NPAS2: variants seen among roughly 807,000 people sequenced by gnomAD.
The protein encoded by NPAS2 is neuronal PAS domain protein 2, also known as neuronal PAS domain-containing protein 2.
NPAS2 carries 23 observed loss-of-function variants against 107.5 expected under a neutral mutation model. The ratio of observed to expected loss-of-function variants is 0.21; its 90% CI spans 0.15 to 0.30. The LOEUF is 0.30. Among genes scored for constraint, NPAS2 ranks in the 10% least tolerant of loss-of-function variants. The pLI, the probability that NPAS2 is intolerant of heterozygous loss-of-function variation, is 1.00. For synonymous variants in NPAS2, 403 were observed against 417.5 expected, an observed-to-expected ratio of 0.97 and a Z score of 0.42; for missense variants, 756 against 1,043.3, an observed-to-expected ratio of 0.72 and a Z score of 3.79.
chr2:100,877,968 CTT>C (rs146243353), intron 1 of NPAS2: 1 of 985,324 alleles, frequency 1.0e-6, no homozygotes, highest in East Asian at 1.1e-4. Flanking sequence ...GTGCTGGAAA[CTT>C]ATAGTCTGGG....
At chr2:100,849,295 G>A (rs1363296377) in intron 1 of NPAS2, among the ~76,000 whole-genome samples, 1 of 152,190 alleles carries the variant, frequency 6.6e-6, no homozygotes. Context: ...CCTAAATAGG[G>A]TCTTTAGCTA....
chr2:100,860,593 T>G (rs910095094), intron 1 of NPAS2, among the ~76,000 whole-genome samples: 5 of 152,142 alleles, frequency 3.3e-5, no homozygotes, highest in Non-Finnish European at 5.9e-5. Context: ...CTTCTACGTG[T>G]GTTAGTTGGC....
intron 15 of NPAS2, among the ~76,000 whole-genome samples, chr2:100,978,609 T>C (rs558316758): frequency 6.6e-6 from 1 of 152,116 alleles, no homozygotes; most frequent in East Asian, 1.9e-4. Flanking sequence ...CAACATTCGG[T>C]GAGTTACTAT....
In NPAS2 at chr2:100,874,628, G is replaced by T. The variant is rs182147021; in HGVS notation, c.-22-30105G>T. Among the ~76,000 whole-genome samples, 833 of 152,092 alleles carry T rather than the reference G, an allele frequency of 5.5e-3. 3 individuals are homozygous for T. Among genetic ancestry groups the T allele is most frequent in the South Asian group, 0.012 (57 of 4,812 alleles). ...GTGGTGGCGCACACCTGTAATCCCA[G>T]CTACTCAGGAGGCTGGGGCAGGAGA... On this transcript the variant is annotated intron_variant, in intron 1 of 20. Transcript: ENST00000335681.
chr2:100,853,793 T>C (rs978851934), intron 1 of NPAS2, among the ~76,000 whole-genome samples: 1 of 151,846 alleles, frequency 6.6e-6, no homozygotes, highest in African/African-American at 2.4e-5. Flanking sequence ...CACACATCTG[T>C]TGGCTGGGTG....
intron 10 of NPAS2, among the ~76,000 whole-genome samples, chr2:100,966,232 G>T (rs1308105403): frequency 6.6e-6 from 1 of 152,154 alleles, no homozygotes; most frequent in African/African-American, 2.4e-5. Flanking sequence ...GGGAAAGCCA[G>T]AAATGGGTGA....
upstream of NPAS2, among the ~76,000 whole-genome samples, chr2:100,819,150 G>GA (rs377474079): frequency 3.4e-3 from 483 of 143,370 alleles, 1 homozygote; most frequent in African/African-American, 9.1e-3. This position sits in a 1 kb window ranked among gnomAD's most constrained non-coding sequence, Gnocchi z 5.8. Context: ...TCCCACAGAG[G>GA]AAAAAAAAAA....
chr2:100,894,809 C>G (rs144502517), intron 1 of NPAS2, among the ~76,000 whole-genome samples: 2 of 152,142 alleles, frequency 1.3e-5, no homozygotes, highest in African/African-American at 2.4e-5. Context: ...TGATCACAAG[C>G]GACAGCAAGA....
At chr2:100,891,146 G>T (rs1681033542) in intron 1 of NPAS2, among the ~76,000 whole-genome samples, 1 of 151,894 alleles carries the variant, frequency 6.6e-6, no homozygotes, top group South Asian at 2.1e-4. Flanking sequence ...GCAGGAGAAT[G>T]GCGTGAACCC....
Position 100,820,653 on chromosome 2 carries a change from G to T in NPAS2, c.-23+239G>T, listed in dbSNP as rs1239593717. On this transcript the variant is annotated intron_variant, in intron 1 of 20. Coordinates refer to ENST00000335681, the MANE Select transcript of NPAS2 (RefSeq NM_002518.4). The surrounding 1 kb of genome is among the most constrained non-coding windows in gnomAD (Gnocchi z 5.6). ...TGCAGGAGGTAGCAATCGCTGGGCC[G>T]GTGGGCTCCGGGCGCGTCTCGACGC... 6.6e-6 allele frequency among the ~76,000 whole-genome samples: 1 copy of T among 152,126 alleles called. No individual in the cohort carries two copies. The highest frequency in any genetic ancestry group is 1.5e-5 in the Non-Finnish European group (1 of 68,004).
At chr2:100,980,739 G>A (rs566650116) in intron 15 of NPAS2, among the ~76,000 whole-genome samples, 63 of 152,294 alleles carry the variant, frequency 4.1e-4, no homozygotes, top group Admixed American at 1.5e-3. Context: ...TCAAAGTGCT[G>A]GGATTACAGG....
intron 1 of NPAS2, among the ~76,000 whole-genome samples, chr2:100,856,288 C>G (rs1678549453): frequency 1.3e-5 from 2 of 152,156 alleles, no homozygotes; most frequent in Admixed American, 6.6e-5. Context: ...CTTTCTTTTC[C>G]TGAATTAAAC....
chr2:100,888,532 G>A (rs143405254), intron 1 of NPAS2, among the ~76,000 whole-genome samples: 2 of 152,290 alleles, frequency 1.3e-5, no homozygotes, highest in Non-Finnish European at 2.9e-5. Flanking sequence ...AGATGTACAT[G>A]TTATCCCCCC....
At chr2:100,872,239 A>G (rs1679630248) in intron 1 of NPAS2, among the ~76,000 whole-genome samples, 1 of 152,204 alleles carries the variant, frequency 6.6e-6, no homozygotes, top group Non-Finnish European at 1.5e-5. Context: ...ACCTGGAATC[A>G]GACTGCTTAG....
At chr2:100,963,289 G>A (rs940558973) in intron 7 of NPAS2, among the ~76,000 whole-genome samples, 15 of 152,244 alleles carry the variant, frequency 9.9e-5, no homozygotes, top group Non-Finnish European at 1.9e-4. Flanking sequence ...CTTTCCCTGG[G>A]ACCATCAGTA....
chr2:100,982,283 G>A lies in NPAS2; in HGVS notation c.1535G>A (p.Arg512Gln), dbSNP rs1558938209. 2.5e-6 allele frequency: 4 copies of A among 1,614,178 alleles called. No individual in the cohort carries two copies. The highest frequency in any genetic ancestry group is 2.5e-6 in the Non-Finnish European group (3 of 1,180,032). ...FQTIKDQLEQRTRILQANIRW... is the reference protein window; with the variant it reads ...FQTIKDQLEQQTRILQANIRW... ...ACCATCAAAGACCAGCTAGAGCAGCGGACGCGGATCCTGCAGGCCAATATC... is the reference window on the plus strand; with the variant it reads ...ACCATCAAAGACCAGCTAGAGCAGCAGACGCGGATCCTGCAGGCCAATATC... The change falls in exon 16 of 21, where the codon CGG becomes CAG. Residue 512 changes from arginine (R) to glutamine (Q), a missense_variant. Arg to Gln is a conservative substitution (Grantham distance 43, BLOSUM62 1). This residue lies in a region of NPAS2 where 496 missense variants were observed against 594.4 expected (regional missense o/e 0.83). Transcript: ENST00000335681.
At chr2:100,925,346 G>A (rs1683493887) in intron 3 of NPAS2, 52 bp downstream of exon 3, 2 of 1,586,438 alleles carry the variant, frequency 1.3e-6, no homozygotes, top group African/African-American at 1.3e-5. Context: ...CGTCCATGTG[G>A]TGATGACTTC....
At chr2:100,835,949 G>A (rs1296669618) in intron 1 of NPAS2, among the ~76,000 whole-genome samples, 1 of 152,148 alleles carries the variant, frequency 6.6e-6, no homozygotes, top group Non-Finnish European at 1.5e-5. Context: ...ACCGACTTTT[G>A]AGTAACAGGG....
At chr2:100,962,984 C>T (rs1257255537) in intron 7 of NPAS2, among the ~76,000 whole-genome samples, 1 of 152,196 alleles carries the variant, frequency 6.6e-6, no homozygotes, top group African/African-American at 2.4e-5. Context: ...AGAACCATTC[C>T]GGGCCTAGGA....
Sources: gnomAD v4.1 joint callset for allele counts (sites outside exome capture counted in the v4.1 genomes callset) on GRCh38, gnomAD v4.1.1 for gene constraint, gnomAD v4.1.1 regional missense constraint, Gnocchi (gnomAD v3.1) non-coding constraint, MANE v1.5 for transcripts, NCBI Gene and HGNC (gene_info 2026-07-23, HGNC 2026-07-21) for gene names.